Variants in CCT6B observed in about 807,000 individuals in gnomAD.
The protein encoded by CCT6B is chaperonin containing TCP1 subunit 6B, also known as probable T-complex protein 1 subunit zeta-2.
In CCT6B, 49 loss-of-function variants were observed where a neutral mutation model predicts 61.5. That is an observed-to-expected ratio of 0.80 (90% CI 0.63 to 1.01). The LOEUF is 1.01. Ranked by LOEUF, CCT6B falls within the 50% of genes least tolerant of loss-of-function variation. CCT6B has a pLI of 0.00. For missense variants in CCT6B, 666 were observed against 634.7 expected, an observed-to-expected ratio of 1.05 and a Z score of -0.53; for synonymous variants, 228 against 214.5, an observed-to-expected ratio of 1.06 and a Z score of -0.55.
chr17:34,935,013 G>A (rs958548730), intron 10 of CCT6B, among the ~76,000 whole-genome samples: 2 of 152,158 alleles, frequency 1.3e-5, no homozygotes, highest in African/African-American at 4.8e-5. Flanking sequence ...AATGCAACAC[G>A]TTTCCAATAA....
rs763255132 is a variant in CCT6B, at chr17:34,954,602, G to A, written c.337-3C>T. The A allele has an allele frequency of 1.3e-6, 2 of 1,589,476 alleles. No individual in the cohort carries two copies. The highest frequency in any genetic ancestry group is 1.9e-5 in the Admixed American group (1 of 53,188). On this transcript the variant is annotated splice_region_variant and splice_polypyrimidine_tract_variant and intron_variant, in intron 3 of 13. Coordinates refer to ENST00000314144, the MANE Select transcript of CCT6B (RefSeq NM_006584.4). ...GCTATTATTCTAGGGTGCAGGCCCTGTTACATCAACATAAAATTATAAATT... is the reference window on the plus strand; with the variant it reads ...GCTATTATTCTAGGGTGCAGGCCCTATTACATCAACATAAAATTATAAATT...
In CCT6B at chr17:34,939,244, G is replaced by A. The variant is rs1216874587; in HGVS notation, c.1152C>T (p.Leu384=). Residue 384 remains leucine (L), a synonymous_variant, in exon 10 of 14, where the codon CTC becomes CTT. Coordinates refer to ENST00000314144, the MANE Select transcript of CCT6B (RefSeq NM_006584.4). ...CTCTTATGGCATCCTTGACTTGTGT[G>A]AGAGTATGCTTATTTGGTCCTTTAA... ...LLVKGPNKHT[L]TQVKDAIRDG... The A allele has an allele frequency of 1.2e-6, 2 of 1,613,712 alleles. No individual in the cohort carries two copies. The highest frequency in any genetic ancestry group is 1.7e-6 in the Non-Finnish European group (2 of 1,179,700).
Position 34,928,989 on chromosome 17 carries a change from CAAT to C in CCT6B, c.1493_1495del (p.Tyr498del). 6.2e-7 allele frequency: 1 copy of C among 1,607,504 alleles called. No individual in the cohort carries two copies. The highest frequency in any genetic ancestry group is 8.5e-7 in the Non-Finnish European group (1 of 1,175,142). On this transcript the variant is annotated inframe_deletion, in exon 13 of 14. Transcript: ENST00000314144. ...AGAGTGAAGAAGTTGTTTTTTTACA[CAAT>C]AATTATCCCAAACTCCTGCATCTGC...
chr17:34,954,475 G>A lies in CCT6B; in HGVS notation c.461C>T (p.Thr154Ile), dbSNP rs1322065427. The A allele has an allele frequency of 6.2e-7, 1 of 1,613,436 alleles. No individual in the cohort carries two copies. The highest frequency in any genetic ancestry group is 8.5e-7 in the Non-Finnish European group (1 of 1,179,676). The change falls in exon 4 of 14, where the codon ACA becomes ATA. Residue 154 changes from threonine to isoleucine, a missense_variant. Thr to Ile is a moderately conservative substitution (Grantham distance 89, BLOSUM62 -1). Coordinates refer to ENST00000314144, the MANE Select transcript of CCT6B (RefSeq NM_006584.4). ...KRKILLDVAR[T>I]SLQTKVHAEL... ...AGCATGAACTTTAGTTTGTAATGAT[G>A]TTCTAGCTACATCTAAGAGGATTTT...
At chr17:34,960,785 G>A (rs1178553472) in intron 1 of CCT6B, among the ~76,000 whole-genome samples, 1 of 152,164 alleles carries the variant, frequency 6.6e-6, no homozygotes, top group East Asian at 1.9e-4. Context: ...CTGAAAAGAT[G>A]AATAGATCTG....
chr17:34,961,210 C>T (rs1392259448), intron 1 of CCT6B, 47 bp downstream of exon 1: 45 of 1,561,176 alleles, frequency 2.9e-5, no homozygotes, highest in Non-Finnish European at 3.9e-5. Flanking sequence ...CGACAGGACA[C>T]CAACGGGCCC....
chr17:34,948,729 A>C (rs576173219), intron 5 of CCT6B, among the ~76,000 whole-genome samples: 9 of 151,192 alleles, frequency 6.0e-5, no homozygotes, highest in African/African-American at 1.2e-4. Flanking sequence ...AAAAAAAAAA[A>C]ACAAAACAAA....
In CCT6B at chr17:34,940,594, G is replaced by A; in HGVS notation, c.913C>T (p.Leu305Phe). ...KGIDPFSLDS[L>F]AKHGIVALRR... ...AGAGCTACTATTCCATGTTTTGCAA[G>A]AGAATCTAAGGAAAATGGATCAATT... is the stretch of plus-strand genomic sequence containing the variant. The change falls in exon 8 of 14, where the codon CTT becomes TTT. Residue 305 changes from leucine (L) to phenylalanine (F), a missense_variant. Transcript: ENST00000314144. 6.4e-7 allele frequency: 1 copy of A among 1,565,746 alleles called. No individual in the cohort carries two copies. The highest frequency in any genetic ancestry group is 8.7e-7 in the Non-Finnish European group (1 of 1,149,042).
At chr17:34,939,403 A>G (rs2090133370) in intron 9 of CCT6B, 73 bp from the exon 10 acceptor site, 8 of 1,260,958 alleles carry the variant, frequency 6.3e-6, no homozygotes, top group Non-Finnish European at 7.8e-6. Flanking sequence ...ATACTAGAAT[A>G]CAATCTTCAT....
At position 34,942,516 on chromosome 17, in the gene CCT6B, A is replaced by T; in HGVS notation, c.853T>A (p.Ser285Thr). The change falls in exon 7 of 14, where the codon TCA (serine) becomes ACA (threonine). Residue 285 changes from serine to threonine, a missense_variant. Transcript: ENST00000314144. ...IDLKDKVCAQ[S>T]NKGFVVINQK... ...TTAATGACGACAAATCCTTTATTTG[A>T]CTGAGCACAGACTTTGTCCTTCAGG... is the stretch of plus-strand genomic sequence containing the variant. 1 of 1,594,660 alleles carries T rather than the reference A, an allele frequency of 6.3e-7. No homozygotes were observed. Among genetic ancestry groups the T allele is most frequent in the Non-Finnish European group, 8.5e-7 (1 of 1,175,302 alleles).
chr17:34,929,376 C>T (rs1181288176), intron 12 of CCT6B, among the ~76,000 whole-genome samples: 3 of 152,046 alleles, frequency 2.0e-5, no homozygotes, highest in Non-Finnish European at 4.4e-5. Flanking sequence ...CAGTCCCAGC[C>T]TCTTTTCTCT....
intron 9 of CCT6B, 123 bp from the exon 10 acceptor site, chr17:34,939,453 T>G: frequency 2.2e-6 from 2 of 890,634 alleles, no homozygotes; most frequent in Non-Finnish European, 1.7e-6. Flanking sequence ...GGAGTTAAGT[T>G]ATATCTGAAC....
At chr17:34,955,157 G>A (rs1236102395) in intron 3 of CCT6B, among the ~76,000 whole-genome samples, 1 of 152,162 alleles carries the variant, frequency 6.6e-6, no homozygotes, top group Non-Finnish European at 1.5e-5. Context: ...CTTAAAAGTA[G>A]CAATATCATG....
At chr17:34,932,974 G>A (rs1160439687) in intron 10 of CCT6B, among the ~76,000 whole-genome samples, 1 of 152,000 alleles carries the variant, frequency 6.6e-6, no homozygotes, top group Admixed American at 6.6e-5. Flanking sequence ...TAGAGATGGG[G>A]TTTCACCACG....
intron 5 of CCT6B, among the ~76,000 whole-genome samples, chr17:34,948,057 T>C (rs2090245326): frequency 6.6e-6 from 1 of 152,132 alleles, no homozygotes; most frequent in African/African-American, 2.4e-5. Flanking sequence ...TTGCTTTTTT[T>C]ATTGTAATAG....
chr17:34,934,761 CACA>C (rs1479250271), intron 10 of CCT6B, among the ~76,000 whole-genome samples: 2 of 152,176 alleles, frequency 1.3e-5, no homozygotes, highest in Non-Finnish European at 2.9e-5. Context: ...ACCAATTCTC[CACA>C]ACAACTTTAC....
intron 3 of CCT6B, among the ~76,000 whole-genome samples, chr17:34,955,502 T>C (rs1289325703): frequency 6.6e-6 from 1 of 152,122 alleles, no homozygotes; most frequent in Non-Finnish European, 1.5e-5. Context: ...AAGCAGGCAA[T>C]GAGAGAAATG....
Position 34,931,045 on chromosome 17 carries a change from C to G in CCT6B, c.1354G>C (p.Ala452Pro). 6.7e-7 allele frequency: 1 copy of G among 1,501,358 alleles called. No homozygotes were observed. Among genetic ancestry groups the G allele is most frequent in the South Asian group, 1.3e-5 (1 of 77,208 alleles). 93.0% of individuals were successfully genotyped at this position (1,501,358 alleles called of 1,614,324 possible). A position where few individuals can be genotyped will look rare whatever the true frequency, so the allele number is the denominator to read the frequency against. ...TGTGGGTCATAACCAGCATTCTGAG[C>G]AAGAACCTTTAGGAATAAAAATAAT... ...DALLIIPKVL[A>P]QNAGYDPQET... Residue 452 changes from alanine to proline, a missense_variant, in exon 12 of 14, where the codon GCT (alanine) becomes CCT (proline). Ala to Pro is a conservative substitution (Grantham distance 27). Coordinates refer to ENST00000314144, the MANE Select transcript of CCT6B (RefSeq NM_006584.4).
At chr17:34,939,113 G>A (rs1420877184) in intron 10 of CCT6B, 70 bp downstream of exon 10, 8 of 1,215,194 alleles carry the variant, frequency 6.6e-6, no homozygotes, top group African/African-American at 6.2e-5. Flanking sequence ...ACATAGGTGT[G>A]TGTGTATATA....
Sources: allele counts gnomAD v4.1 joint callset (sites outside exome capture counted in the v4.1 genomes callset), GRCh38; gene constraint gnomAD v4.1.1; transcripts MANE v1.5; gene names NCBI Gene and HGNC (gene_info 2026-07-23, HGNC 2026-07-21).